DPY19L1: variants seen among roughly 807,000 people sequenced by gnomAD.
The protein encoded by DPY19L1 is protein C-mannosyl-transferase DPY19L1.
A neutral mutation model predicts 96.9 loss-of-function variants in DPY19L1; 35 were observed. The ratio of observed to expected loss-of-function variants is 0.36; its 90% confidence interval spans 0.28 to 0.48. The LOEUF (loss-of-function observed/expected upper bound fraction) is 0.48, where lower values mean the gene tolerates loss of function less well. DPY19L1 is among the 20% of genes least tolerant of loss of function. DPY19L1 has a pLI of 0.99. For synonymous variants in DPY19L1, 205 were observed against 252.6 expected (o/e 0.81, Z 1.79); for missense variants, 521 against 777.9 (o/e 0.67, Z 3.93).
At chr7:35,014,795 T>C (rs1360856445) in intron 3 of DPY19L1, among the ~76,000 whole-genome samples, 1 of 151,994 alleles carries the variant, frequency 6.6e-6, no homozygotes, top group Non-Finnish European at 1.5e-5. Flanking sequence ...GATGAGGTCA[T>C]ATTGGATTAA....
chr7:34,968,242 C>T (rs1301847136), intron 9 of DPY19L1, among the ~76,000 whole-genome samples: 1 of 152,092 alleles, frequency 6.6e-6, no homozygotes, highest in Admixed American at 6.5e-5. Context: ...ATAAAACCAA[C>T]TAACCTTACT....
intron 6 of DPY19L1, among the ~76,000 whole-genome samples, chr7:34,992,271 T>C (rs1024599700): frequency 6.6e-6 from 1 of 152,254 alleles, no homozygotes; most frequent in African/African-American, 2.4e-5. Flanking sequence ...TTCCGTGAAC[T>C]GCTTATTCAT....
At chr7:35,005,817 A>C (rs1342075705) in intron 6 of DPY19L1, among the ~76,000 whole-genome samples, 1 of 151,990 alleles carries the variant, frequency 6.6e-6, no homozygotes, top group Non-Finnish European at 1.5e-5. Flanking sequence ...TCTCAAAAAA[A>C]AAAAAAGTTT....
chr7:34,989,644 CA>C (rs375852661), intron 7 of DPY19L1, among the ~76,000 whole-genome samples: 38,036 of 146,520 alleles, frequency 0.26, 5,265 homozygotes, highest in Admixed American at 0.4. Context: ...ACAACAACAA[CA>C]AAAAAAAAAA....
In DPY19L1 at chr7:34,938,016, A is replaced by C; in HGVS notation, c.2068T>G (p.Ser690Ala). The change falls in exon 21 of 22, where the codon TCA becomes GCA. Residue 690 changes from serine (S) to alanine (A), a missense_variant. By Grantham distance (99) the Ser-to-Ala change is moderately conservative (BLOSUM62 1). Transcript: ENST00000638088. Reference protein sequence around the residue: ...LKVNYYILEESWCVRRSKPGC... With the variant: ...LKVNYYILEEAWCVRRSKPGC... ...CACTTGGATCTTCTTACACACCATG[A>C]CTCTTCTAGAATGTAATAGTTCACT... 6.2e-7 allele frequency: 1 copy of C among 1,613,510 alleles called. No homozygotes were observed. The highest frequency in any genetic ancestry group is 1.7e-4 in the Middle Eastern group (1 of 6,054).
chr7:35,025,223 G>C (rs537991502), intron 1 of DPY19L1, among the ~76,000 whole-genome samples: 2 of 152,186 alleles, frequency 1.3e-5, no homozygotes, highest in East Asian at 3.9e-4. Context: ...CTAGATTTTT[G>C]TGTGGATTGC....
intron 1 of DPY19L1, among the ~76,000 whole-genome samples, chr7:35,022,989 C>T (rs1042220403): frequency 6.6e-6 from 1 of 152,194 alleles, no homozygotes; most frequent in Non-Finnish European, 1.5e-5. Flanking sequence ...TCCCTGTGGC[C>T]ATTTCCTTCC....
chr7:34,971,738 C>T (rs1271534049), intron 8 of DPY19L1, among the ~76,000 whole-genome samples: 5 of 152,150 alleles, frequency 3.3e-5, no homozygotes, highest in Non-Finnish European at 5.9e-5. Flanking sequence ...CACAGAAGCA[C>T]CTGGAGCCAA....
chr7:34,948,394 C>T (rs914126417), intron 14 of DPY19L1, among the ~76,000 whole-genome samples: 2 of 152,056 alleles, frequency 1.3e-5, no homozygotes, highest in African/African-American at 4.8e-5. Flanking sequence ...TTAGGAAATA[C>T]CATGTTAAAT....
intron 6 of DPY19L1, among the ~76,000 whole-genome samples, chr7:34,996,250 A>ACCACACC (rs1348842806): frequency 1.3e-5 from 2 of 152,128 alleles, no homozygotes; most frequent in Non-Finnish European, 2.9e-5. Flanking sequence ...AGCCAAACAC[A>ACCACACC]CCACACCTCA....
intron 10 of DPY19L1, among the ~76,000 whole-genome samples, chr7:34,962,729 T>C (rs1784525935): frequency 2.0e-5 from 3 of 151,876 alleles, no homozygotes; most frequent in Admixed American, 1.3e-4. Context: ...CAACCACCCG[T>C]AGAAAAGTGA....
intron 12 of DPY19L1, 42 bp downstream of exon 12, chr7:34,955,266 A>T: frequency 6.5e-7 from 1 of 1,544,866 alleles, no homozygotes; most frequent in East Asian, 2.3e-5. Flanking sequence ...GATATATTTT[A>T]GAGAAGAAAA....
At chr7:34,938,227 G>T in intron 20 of DPY19L1, 108 bp from the exon 21 acceptor site, 2 of 1,270,278 alleles carry the variant, frequency 1.6e-6, no homozygotes, top group Non-Finnish European at 2.1e-6. Flanking sequence ...GAAGAATCCA[G>T]TCAGGAGGAA....
chr7:34,976,490 A>G (rs1309348036), intron 7 of DPY19L1, among the ~76,000 whole-genome samples: 1 of 152,210 alleles, frequency 6.6e-6, no homozygotes, highest in African/African-American at 2.4e-5. Flanking sequence ...ATGACAAAAA[A>G]GGATTTAGAA....
At chr7:34,962,550 G>A (rs567163801) in intron 10 of DPY19L1, among the ~76,000 whole-genome samples, 2 of 152,262 alleles carry the variant, frequency 1.3e-5, no homozygotes, top group South Asian at 4.2e-4. Flanking sequence ...TCAAAATCCA[G>A]GCCGATTGTG....
chr7:34,955,291 A>C lies in DPY19L1; in HGVS notation c.1239+17T>G. 1 of 1,570,684 alleles carries C rather than the reference A, an allele frequency of 6.4e-7. No homozygotes were observed. ...AGAGAAGAAAAAACATAAGCATTAA[A>C]ATAGATTGATTCTCACCCATAAACT... is the stretch of plus-strand genomic sequence containing the variant. On this transcript the variant is annotated intron_variant, in intron 12 of 21. Transcript: ENST00000638088.
At chr7:34,972,883 G>C (rs946253449) in intron 8 of DPY19L1, among the ~76,000 whole-genome samples, 1 of 152,142 alleles carries the variant, frequency 6.6e-6, no homozygotes, top group African/African-American at 2.4e-5. Context: ...GCCATGTGAT[G>C]GTTCTATACT....
intron 8 of DPY19L1, among the ~76,000 whole-genome samples, chr7:34,972,057 T>A (rs62461952): frequency 0.01 from 1,545 of 152,144 alleles, 23 homozygotes; most frequent in Non-Finnish European, 0.012. Context: ...AAAGAAGGAC[T>A]TAATCTACCA....
chr7:34,942,492 A>G lies in DPY19L1; in HGVS notation c.1569+123T>C, dbSNP rs1784043144. On this transcript the variant is annotated intron_variant, in intron 17 of 21. Transcript: ENST00000638088. ...TATAGCATTCTCATAAAAACACATA[A>G]CAGGCTATTTTCAAGATGATTGCTG... The G allele has an allele frequency of 6.5e-6, 5 of 763,618 alleles. No individual in the cohort carries two copies. The South Asian group carries it at 8.0e-5, about 12-fold the overall frequency. 47.3% of individuals were successfully genotyped at this position (763,618 alleles called of 1,614,324 possible). A position where few individuals can be genotyped will look rare whatever the true frequency, so the allele number is the denominator to read the frequency against.
Sources: gnomAD v4.1 joint callset for allele counts (sites outside exome capture counted in the v4.1 genomes callset) on GRCh38, gnomAD v4.1.1 for gene constraint, MANE v1.5 for transcripts, NCBI Gene and HGNC (gene_info 2026-07-23, HGNC 2026-07-21) for gene names.